Variants in ADAD1 observed in about 807,000 individuals in gnomAD.
ADAD1 encodes the protein adenosine deaminase domain containing 1.
A neutral mutation model predicts 66.8 loss-of-function variants in ADAD1; 46 were observed. That is an observed-to-expected ratio of 0.69 (90% confidence interval 0.54 to 0.88). The LOEUF (loss-of-function observed/expected upper bound fraction) is 0.88, where lower values mean the gene tolerates loss of function less well. Ranked by LOEUF, ADAD1 falls within the 40% of genes least tolerant of loss-of-function variation. ADAD1 has a pLI of 0.00. For synonymous variants in ADAD1, 248 were observed against 229.4 expected, an observed-to-expected ratio of 1.08 and a Z score of -0.73; for missense variants, 617 against 681.8, an observed-to-expected ratio of 0.91 and a Z score of 1.06.
chr4:122,409,751 G>A (rs1243044402), intron 8 of ADAD1, among the ~76,000 whole-genome samples: 3 of 151,096 alleles, frequency 2.0e-5, no homozygotes, highest in African/African-American at 7.3e-5. Context: ...CCAGGCTGGA[G>A]TGCAATGGCG....
chr4:122,380,480 T>C (rs1580728568), intron 3 of ADAD1: 1 of 497,748 alleles, frequency 2.0e-6, no homozygotes, highest in East Asian at 3.6e-5. Flanking sequence ...CCTTCAAGTG[T>C]GGCTTGCCTT....
rs56859134 is a variant in ADAD1, at chr4:122,422,515, A to C, written c.1617+1125A>C. ...GCCAATAATGATACAGCATTATATG[A>C]AAGTCTTTTAATTTTACCAATTTTA... On this transcript the variant is annotated intron_variant, in intron 12 of 12. Transcript: ENST00000296513. Among the ~76,000 whole-genome samples, 1,145 of 152,330 alleles carry C rather than the reference A, an allele frequency of 7.5e-3. 11 individuals carry two copies. The highest frequency in any genetic ancestry group is 0.029 in the South Asian group (140 of 4,826).
intron 5 of ADAD1, 145 bp from the exon 6 acceptor site, chr4:122,393,444 G>A: frequency 3.8e-6 from 2 of 526,244 alleles, no homozygotes; most frequent in Non-Finnish European, 6.5e-6. Flanking sequence ...TCAGGGCTGA[G>A]CTAATGAGTA....
In ADAD1 at chr4:122,412,797, A is replaced by G; in HGVS notation, c.1237A>G (p.Ser413Gly). The G allele has an allele frequency of 6.2e-7, 1 of 1,613,600 alleles. No homozygotes were observed. Among genetic ancestry groups the G allele is most frequent in the Non-Finnish European group, 8.5e-7 (1 of 1,179,634 alleles). ...TTTTATACAGCCAGTTTACATCAGC[A>G]GTATACTTATTGGTGAGTGGGATTT... The part of the protein sequence containing the change: ...SHFIQPVYIS[S>G]ILIGDGNCSD... The change falls in exon 10 of 13, where the codon AGT becomes GGT. Residue 413 changes from serine (S) to glycine (G), a missense_variant. Transcript: ENST00000296513.
intron 11 of ADAD1, among the ~76,000 whole-genome samples, chr4:122,419,709 G>A (rs1796918708): frequency 1.3e-5 from 2 of 152,066 alleles, no homozygotes; most frequent in Non-Finnish European, 2.9e-5. Context: ...TACTAAGATA[G>A]TAACGTAATA....
At chr4:122,391,118 C>T (rs751420117) in intron 5 of ADAD1, among the ~76,000 whole-genome samples, 13 of 152,156 alleles carry the variant, frequency 8.5e-5, no homozygotes, top group Non-Finnish European at 1.6e-4. Context: ...TCAGGTCCCT[C>T]TTCTGCAAGG....
chr4:122,411,725 T>C (rs1191055978), intron 9 of ADAD1, among the ~76,000 whole-genome samples: 1 of 152,174 alleles, frequency 6.6e-6, no homozygotes, highest in African/African-American at 2.4e-5. Flanking sequence ...TCAACTGGTA[T>C]GTATAAAGCA....
In ADAD1 at chr4:122,413,430, G is replaced by A. The variant is rs567342057; in HGVS notation, c.1249+621G>A. On this transcript the variant is annotated intron_variant, in intron 10 of 12. Transcript: ENST00000296513. Reference sequence around the variant, plus strand: ...AGAACTATTTAGATAGAGTAATCTGGAAAAAAATTCTCTTTCTTGACTATT... The same window carrying A: ...AGAACTATTTAGATAGAGTAATCTGAAAAAAAATTCTCTTTCTTGACTATT... 3.3e-5 allele frequency among the ~76,000 whole-genome samples: 5 copies of A among 151,966 alleles called. No individual in the cohort carries two copies. In the South Asian group the frequency reaches 1.0e-3, roughly 32 times the overall value.
Sources: gnomAD v4.1 joint callset for allele counts (sites outside exome capture counted in the v4.1 genomes callset) on GRCh38, gnomAD v4.1.1 for gene constraint, MANE v1.5 for transcripts, NCBI Gene and HGNC (gene_info 2026-07-23, HGNC 2026-07-21) for gene names.